Variants in ACTL10 observed in about 807,000 individuals in gnomAD.
The protein encoded by ACTL10 is actin-like protein 10.
For synonymous variants in ACTL10, 180 were observed against 169.9 expected (o/e 1.06, Z -0.46); for missense variants, 413 against 359.4 (o/e 1.15, Z -1.21).
rs3746459 is a variant in ACTL10, at chr20:33,667,427, T to C, written c.-71T>C. Reference sequence around the variant, plus strand: ...CCCGTGCTGGTGAGCGACTCGCCGTTGGCGCCGCCCGCGGGCCGCGAAAGG... The same window carrying C: ...CCCGTGCTGGTGAGCGACTCGCCGTCGGCGCCGCCCGCGGGCCGCGAAAGG... On this transcript the variant is annotated 5_prime_UTR_variant, in exon 1 of 1. Transcript: ENST00000677665. The C allele has an allele frequency of 0.52, 732,487 of 1,407,460 alleles. 198,676 individuals carry two copies. Among genetic ancestry groups the C allele is most frequent in the African/African-American group, 0.91 (60,308 of 65,950 alleles). 87.2% of individuals were successfully genotyped at this position (1,407,460 alleles called of 1,614,324 possible). A position where few individuals can be genotyped will look rare whatever the true frequency, so the allele number is the denominator to read the frequency against.
In ACTL10 at chr20:33,667,550, T is replaced by C. The variant is rs757228266; in HGVS notation, c.53T>C (p.Leu18Pro). The change falls in exon 1 of 1, where the codon CTG (leucine) becomes CCG (proline). Residue 18 changes from leucine to proline, a missense_variant. By Grantham distance (98) the Leu-to-Pro change is moderately conservative. Transcript: ENST00000677665. ...TGCTCCACCGGCGCGTTCAGCGGGCTGGCCGTGGAGGCGGGCGCGGGCGTG... is the reference window on the plus strand; with the variant it reads ...TGCTCCACCGGCGCGTTCAGCGGGCCGGCCGTGGAGGCGGGCGCGGGCGTG... ...ALCSTGAFSG[L>P]AVEAGAGVCH... is the part of the protein sequence containing the mutation. 3 of 1,551,404 alleles carry C rather than the reference T, an allele frequency of 1.9e-6. No homozygotes were observed. Among genetic ancestry groups the C allele is most frequent in the Non-Finnish European group, 1.7e-6 (2 of 1,149,722 alleles).
rs765577847 is a variant in ACTL10, at chr20:33,667,911, G to A, written c.414G>A (p.Gln138=). The A allele has an allele frequency of 1.9e-6, 3 of 1,572,214 alleles. No homozygotes were observed. Among genetic ancestry groups the A allele is most frequent in the Non-Finnish European group, 2.6e-6 (3 of 1,159,546 alleles). The change falls in exon 1 of 1, where the codon CAG becomes CAA. Residue 138 remains glutamine, a synonymous_variant. Coordinates refer to ENST00000677665, the MANE Select transcript of ACTL10 (RefSeq NM_001024675.2). ...FQPGLLGQAE[Q]GLPALAFRAL... ...CGGGCCTGCTGGGCCAGGCTGAGCAGGGGCTGCCCGCGCTGGCCTTCCGGG... is the reference window on the plus strand; with the variant it reads ...CGGGCCTGCTGGGCCAGGCTGAGCAAGGGCTGCCCGCGCTGGCCTTCCGGG...
At position 33,667,904 on chromosome 20, in the gene ACTL10, C is replaced by G. The variant is rs1271180981; in HGVS notation, c.407C>G (p.Ala136Gly). Residue 136 changes from alanine (A) to glycine (G), a missense_variant, in exon 1 of 1, where the codon GCT (alanine) becomes GGT (glycine). Transcript: ENST00000677665. Reference protein sequence around the residue: ...PIFQPGLLGQAEQGLPALAFR... With the variant: ...PIFQPGLLGQGEQGLPALAFR... ...TTCCAGCCGGGCCTGCTGGGCCAGG[C>G]TGAGCAGGGGCTGCCCGCGCTGGCC... 7 of 1,578,820 alleles carry G rather than the reference C, an allele frequency of 4.4e-6. No homozygotes were observed. The highest frequency in any genetic ancestry group is 6.0e-6 in the Non-Finnish European group (7 of 1,163,054).
rs1011599326 is a variant in ACTL10 at position 33,667,388 on chromosome 20, G to A, written c.-110G>A. On this transcript the variant is annotated 5_prime_UTR_variant, in exon 1 of 1. Transcript: ENST00000677665. ...CTGCTGGTGGGCGGCCTGCGGGTGT[G>A]CCCAGAGCAGTGGCCCGTGCTGGTG... The A allele has an allele frequency of 7.4e-7, 1 of 1,360,108 alleles. No homozygotes were observed. The highest frequency in any genetic ancestry group is 3.4e-5 in the Admixed American group (1 of 29,758). 84.3% of individuals were successfully genotyped at this position (1,360,108 alleles called of 1,614,324 possible).
Position 33,667,414 on chromosome 20 carries a change from A to G in ACTL10, c.-84A>G. ...CCCAGAGCAGTGGCCCGTGCTGGTG[A>G]GCGACTCGCCGTTGGCGCCGCCCGC... On this transcript the variant is annotated 5_prime_UTR_variant, in exon 1 of 1. Transcript: ENST00000677665. 7.1e-7 allele frequency: 1 copy of G among 1,405,656 alleles called. No homozygotes were observed. The highest frequency in any genetic ancestry group is 9.2e-7 in the Non-Finnish European group (1 of 1,086,098). 87.1% of individuals were successfully genotyped at this position (1,405,656 alleles called of 1,614,324 possible). A position where few individuals can be genotyped will look rare whatever the true frequency, so the allele number is the denominator to read the frequency against.
chr20:33,667,471 G>C lies in ACTL10; in HGVS notation c.-27G>C. 6.9e-7 allele frequency: 1 copy of C among 1,451,302 alleles called. No individual in the cohort carries two copies. Among genetic ancestry groups the C allele is most frequent in the South Asian group, 1.4e-5 (1 of 70,256 alleles). 89.9% of individuals were successfully genotyped at this position (1,451,302 alleles called of 1,614,324 possible). On this transcript the variant is annotated 5_prime_UTR_variant, in exon 1 of 1. Transcript: ENST00000677665. ...CGAAAGGGTGGCGGAGCTGCTGTTC[G>C]AGACCCTGGCAGTGCCCGCGTGCCA...
rs986237074 is a variant in ACTL10, at chr20:33,667,467, G to T, written c.-31G>T. The T allele has an allele frequency of 6.2e-6, 9 of 1,448,824 alleles. No individual in the cohort carries two copies. Among genetic ancestry groups the T allele is most frequent in the Non-Finnish European group, 7.2e-6 (8 of 1,106,796 alleles). 89.7% of individuals were successfully genotyped at this position (1,448,824 alleles called of 1,614,324 possible). A position where few individuals can be genotyped will look rare whatever the true frequency, so the allele number is the denominator to read the frequency against. ...GCCGCGAAAGGGTGGCGGAGCTGCT[G>T]TTCGAGACCCTGGCAGTGCCCGCGT... On this transcript the variant is annotated 5_prime_UTR_variant, in exon 1 of 1. Coordinates refer to ENST00000677665, the MANE Select transcript of ACTL10 (RefSeq NM_001024675.2).
rs757795744 is a variant in ACTL10 at position 33,668,194 on chromosome 20, C to T, written c.697C>T (p.Gln233Ter). The change falls in exon 1 of 1, where the codon CAG becomes TAG. Residue 233 changes from glutamine to a stop codon, truncating the protein, a stop_gained. Coordinates refer to ENST00000677665, the MANE Select transcript of ACTL10 (RefSeq NM_001024675.2). LOFTEE classifies it high-confidence loss of function. ...QRRWITRAMY[Q>*]ECGSRLLYDV... The stretch of plus-strand genomic sequence containing the variant: ...CCGCTGGATAACTCGGGCCATGTAC[C>T]AGGAGTGTGGCTCCAGGCTGCTGTA... The T allele has an allele frequency of 2.1e-5, 34 of 1,608,172 alleles. No individual in the cohort carries two copies. Among genetic ancestry groups the T allele is most frequent in the Non-Finnish European group, 2.8e-5 (33 of 1,177,588 alleles).
In ACTL10 at chr20:33,668,060, G is replaced by C. The variant is rs373830306; in HGVS notation, c.563G>C (p.Arg188Pro). 1.7e-4 allele frequency: 269 copies of C among 1,568,270 alleles called. 3 individuals are homozygous for C. The East Asian group carries it at 4.6e-3, about 27-fold the overall frequency. The change falls in exon 1 of 1, where the codon CGG (arginine) becomes CCG (proline). Residue 188 changes from arginine to proline, a missense_variant. Physicochemically the swap from Arg to Pro is moderately radical, Grantham distance 103 (BLOSUM62 -2). Transcript: ENST00000677665. ...GACAAGGAGCTGGAGGCGCAGTGCC[G>C]GCGGCACGGCTACGCGGCCCTGCGG... The part of the protein sequence containing the change: ...RLDKELEAQC[R>P]RHGYAALRPH...
Position 33,667,592 on chromosome 20 carries a change from T to C in ACTL10, c.95T>C (p.Ile32Thr). The part of the protein sequence containing the change: ...AGAGVCHATP[I>T]YAGHSWHQAT... ...GCGGGCGTGTGCCACGCCACGCCCA[T>C]CTACGCGGGTCACTCGTGGCACCAG... Residue 32 changes from isoleucine (I) to threonine (T), a missense_variant, in exon 1 of 1, where the codon ATC (isoleucine) becomes ACC (threonine). Transcript: ENST00000677665. 1.9e-6 allele frequency: 3 copies of C among 1,562,616 alleles called. No individual in the cohort carries two copies. Among genetic ancestry groups the C allele is most frequent in the Non-Finnish European group, 1.7e-6 (2 of 1,156,120 alleles).
Position 33,667,749 on chromosome 20 carries a change from C to A in ACTL10, c.252C>A (p.Ser84Arg). 1 of 1,612,564 alleles carries A rather than the reference C, an allele frequency of 6.2e-7. No homozygotes were observed. Among genetic ancestry groups the A allele is most frequent in the Non-Finnish European group, 8.5e-7 (1 of 1,179,942 alleles). Residue 84 changes from serine (S) to arginine (R), a missense_variant, in exon 1 of 1, where the codon AGC (serine) becomes AGA (arginine). Ser to Arg is a moderately radical substitution (Grantham distance 110). Transcript: ENST00000677665. ...CCATCACACATCTCAAGAAGCGCAGCTGCTACGTGTCCCTGGACTTCGAGG... is the reference window on the plus strand; with the variant it reads ...CCATCACACATCTCAAGAAGCGCAGATGCTACGTGTCCCTGGACTTCGAGG... ...RKAITHLKKR[S>R]CYVSLDFEGD...
Position 33,667,866 on chromosome 20 carries a change from C to G in ACTL10, c.369C>G (p.Cys123Trp). 3.7e-6 allele frequency: 6 copies of G among 1,602,980 alleles called. No individual in the cohort carries two copies. The highest frequency in any genetic ancestry group is 5.1e-6 in the Non-Finnish European group (6 of 1,175,114). The change falls in exon 1 of 1, where the codon TGC becomes TGG. Residue 123 changes from cysteine to tryptophan, a missense_variant. Cys to Trp is a radical substitution (Grantham distance 215). Coordinates refer to ENST00000677665, the MANE Select transcript of ACTL10 (RefSeq NM_001024675.2). ...GCCTCAGCAGTGAGCGCTTCCGCTG[C>G]CCCGAACCCATCTTCCAGCCGGGCC... ...CVCLSSERFR[C>W]PEPIFQPGLL...
In ACTL10 at chr20:33,667,598, C is replaced by T. The variant is rs770199004; in HGVS notation, c.101C>T (p.Ala34Val). ...AGVCHATPIY[A>V]GHSWHQATFR... ...GTGTGCCACGCCACGCCCATCTACG[C>T]GGGTCACTCGTGGCACCAGGCCACC... The change falls in exon 1 of 1, where the codon GCG becomes GTG. Residue 34 changes from alanine (A) to valine (V), a missense_variant. Transcript: ENST00000677665. 6.3e-6 allele frequency: 10 copies of T among 1,580,902 alleles called. No homozygotes were observed. The highest frequency in any genetic ancestry group is 2.3e-5 in the South Asian group (2 of 87,834).
chr20:33,667,658 G>A lies in ACTL10; in HGVS notation c.161G>A (p.Arg54His), dbSNP rs1407145925. The A allele has an allele frequency of 2.5e-6, 4 of 1,610,250 alleles. No individual in the cohort carries two copies. Among genetic ancestry groups the A allele is most frequent in the African/African-American group, 2.7e-5 (2 of 74,888 alleles). ...RLNVAGSTLS[R>H]YLRDLLVAAN... ...AACGTGGCAGGCAGCACCCTGTCGC[G>A]CTACCTGCGGGATCTGCTGGTGGCG... The change falls in exon 1 of 1, where the codon CGC (arginine) becomes CAC (histidine). Residue 54 changes from arginine (R) to histidine (H), a missense_variant. Coordinates refer to ENST00000677665, the MANE Select transcript of ACTL10 (RefSeq NM_001024675.2).
Position 33,667,750 on chromosome 20 carries a change from T to A in ACTL10, c.253T>A (p.Cys85Ser), listed in dbSNP as rs749599746. The change falls in exon 1 of 1, where the codon TGC (cysteine) becomes AGC (serine). Residue 85 changes from cysteine (C) to serine (S), a missense_variant. By Grantham distance (112) the Cys-to-Ser change is moderately radical (BLOSUM62 -1). Coordinates refer to ENST00000677665, the MANE Select transcript of ACTL10 (RefSeq NM_001024675.2). The stretch of plus-strand genomic sequence containing the variant: ...CATCACACATCTCAAGAAGCGCAGC[T>A]GCTACGTGTCCCTGGACTTCGAGGG... The part of the protein sequence containing the change: ...KAITHLKKRS[C>S]YVSLDFEGDL... The A allele has an allele frequency of 6.2e-7, 1 of 1,612,388 alleles. No individual in the cohort carries two copies. The highest frequency in any genetic ancestry group is 1.3e-5 in the African/African-American group (1 of 74,898).
Position 33,667,737 on chromosome 20 carries a change from CAAG to C in ACTL10, c.244_246del (p.Lys82del). 2 of 1,612,438 alleles carry C rather than the reference CAAG, an allele frequency of 1.2e-6. No individual in the cohort carries two copies. The highest frequency in any genetic ancestry group is 1.7e-6 in the Non-Finnish European group (2 of 1,179,922). ...TGCCCCGCAAGGCCATCACACATCT[CAAG>C]AAGCGCAGCTGCTACGTGTCCCTGG... On this transcript the variant is annotated inframe_deletion, in exon 1 of 1. Transcript: ENST00000677665.
chr20:33,668,175 G>C lies in ACTL10; in HGVS notation c.678G>C (p.Trp226Cys). 6.2e-7 allele frequency: 1 copy of C among 1,611,876 alleles called. No individual in the cohort carries two copies. The highest frequency in any genetic ancestry group is 8.5e-7 in the Non-Finnish European group (1 of 1,179,258). ...VASLHSFQRR[W>C]ITRAMYQECG... ...CCCTGCACTCCTTCCAGCGCCGCTG[G>C]ATAACTCGGGCCATGTACCAGGAGT... The change falls in exon 1 of 1, where the codon TGG (tryptophan) becomes TGC (cysteine). Residue 226 changes from tryptophan to cysteine, a missense_variant. Coordinates refer to ENST00000677665, the MANE Select transcript of ACTL10 (RefSeq NM_001024675.2).
In ACTL10 at chr20:33,667,662, C is replaced by G; in HGVS notation, c.165C>G (p.Tyr55Ter). ...LNVAGSTLSR[Y>*]LRDLLVAANP... ...TGGCAGGCAGCACCCTGTCGCGCTA[C>G]CTGCGGGATCTGCTGGTGGCGGCGA... Residue 55 changes from tyrosine (Y) to a stop codon, truncating the protein, a stop_gained, in exon 1 of 1, where the codon TAC (tyrosine) becomes TAG (stop). Transcript: ENST00000677665. LOFTEE classifies it low-confidence loss of function (END_TRUNC). The G allele has an allele frequency of 6.2e-7, 1 of 1,611,152 alleles. No individual in the cohort carries two copies. The highest frequency in any genetic ancestry group is 8.5e-7 in the Non-Finnish European group (1 of 1,179,418).
rs1042718282 is a variant in ACTL10 at position 33,667,844 on chromosome 20, T to C, written c.347T>C (p.Leu116Pro). Reference sequence around the variant, plus strand: ...GTGGGTAACGGGTGCTGCGTCTGCCTCAGCAGTGAGCGCTTCCGCTGCCCC... The same window carrying C: ...GTGGGTAACGGGTGCTGCGTCTGCCCCAGCAGTGAGCGCTTCCGCTGCCCC... ...FSVGNGCCVC[L>P]SSERFRCPEP... Residue 116 changes from leucine (L) to proline (P), a missense_variant, in exon 1 of 1, where the codon CTC becomes CCC. Transcript: ENST00000677665. 1 of 1,609,670 alleles carries C rather than the reference T, an allele frequency of 6.2e-7. No individual in the cohort carries two copies. Among genetic ancestry groups the C allele is most frequent in the Non-Finnish European group, 8.5e-7 (1 of 1,178,412 alleles).
Sources: allele counts gnomAD v4.1 joint callset, GRCh38; gene constraint gnomAD v4.1.1; transcripts MANE v1.5; gene names NCBI Gene and HGNC (gene_info 2026-07-23, HGNC 2026-07-21).